The following TTC29 variants were observed in gnomAD, a reference collection of about 807,000 sequenced individuals.
The protein encoded by TTC29 is tetratricopeptide repeat domain 29.
In TTC29, 49 loss-of-function variants were observed where a neutral mutation model predicts 58.1. The observed-to-expected ratio is 0.84, with a 90% CI of 0.67 to 1.07. The LOEUF is 1.07. TTC29 is among the 50% of genes least tolerant of loss of function. The pLI is 0.00. For synonymous variants in TTC29, 209 were observed against 196.8 expected, an observed-to-expected ratio of 1.06 and a Z score of -0.52; for missense variants, 582 against 555.6, an observed-to-expected ratio of 1.05 and a Z score of -0.48.
intron 4 of TTC29, among the ~76,000 whole-genome samples, chr4:146,914,628 C>T (rs1734100879): frequency 6.6e-6 from 1 of 152,042 alleles, no homozygotes; most frequent in Non-Finnish European, 1.5e-5. Flanking sequence ...TGAATGTATC[C>T]TGAGGAAGAT....
chr4:146,895,363 G>T (rs1327331980), intron 6 of TTC29, among the ~76,000 whole-genome samples: 2 of 152,104 alleles, frequency 1.3e-5, no homozygotes, highest in Non-Finnish European at 2.9e-5. Flanking sequence ...TGAGTCTTTG[G>T]TCCAGAAGGA....
intron 8 of TTC29, among the ~76,000 whole-genome samples, chr4:146,863,058 C>T (rs1252374580): frequency 1.3e-5 from 2 of 150,120 alleles, no homozygotes; most frequent in Non-Finnish European, 3.0e-5. Flanking sequence ...GGAGGTGGAG[C>T]TTGCAGGGAA....
intron 11 of TTC29, among the ~76,000 whole-genome samples, chr4:146,800,797 G>C (rs1184192550): frequency 6.6e-6 from 1 of 152,160 alleles, no homozygotes; most frequent in Admixed American, 6.5e-5. Context: ...TTCTTTTGTA[G>C]GGAATACCAA....
At chr4:146,804,926 T>C (rs974833431) in intron 10 of TTC29, among the ~76,000 whole-genome samples, 1 of 152,200 alleles carries the variant, frequency 6.6e-6, no homozygotes, top group Non-Finnish European at 1.5e-5. Flanking sequence ...CTGACCCCCA[T>C]GCCTCCTGAC....
intron 8 of TTC29, among the ~76,000 whole-genome samples, chr4:146,860,043 AAAG>A (rs1472987505): frequency 6.6e-6 from 1 of 152,184 alleles, no homozygotes; most frequent in African/African-American, 2.4e-5. Flanking sequence ...TAAAGTGACC[AAAG>A]AAGAGATTAG....
At chr4:146,711,521 C>T (rs567200100) in intron 11 of TTC29, among the ~76,000 whole-genome samples, 36 of 152,254 alleles carry the variant, frequency 2.4e-4, no homozygotes, top group African/African-American at 8.7e-4. Flanking sequence ...ACTGTGCTTT[C>T]TGTTGACCTT....
intron 11 of TTC29, among the ~76,000 whole-genome samples, chr4:146,761,632 A>G (rs899313598): frequency 2.7e-5 from 4 of 150,216 alleles, no homozygotes; most frequent in Non-Finnish European, 5.9e-5. Flanking sequence ...TGGAGGTTGC[A>G]GGAGATTTTA....
chr4:146,930,471 GA>G (rs747628540), intron 4 of TTC29, among the ~76,000 whole-genome samples: 2 of 152,078 alleles, frequency 1.3e-5, no homozygotes, highest in Admixed American at 6.6e-5. Context: ...GAGTTCTTGT[GA>G]ATCCATAACT....
At chr4:146,825,260 A>T (rs1446727368) in intron 9 of TTC29, among the ~76,000 whole-genome samples, 1 of 152,004 alleles carries the variant, frequency 6.6e-6, no homozygotes, top group Admixed American at 6.6e-5. Flanking sequence ...TTGCCCTTTT[A>T]ACACTGCTTT....
intron 11 of TTC29, among the ~76,000 whole-genome samples, chr4:146,720,166 G>T (rs1743253285): frequency 6.6e-6 from 1 of 152,090 alleles, no homozygotes; most frequent in Non-Finnish European, 1.5e-5. Context: ...AACATGTGTA[G>T]AAGAAATCAA....
At chr4:146,836,335 G>A (rs1360468717) in intron 8 of TTC29, among the ~76,000 whole-genome samples, 1 of 152,082 alleles carries the variant, frequency 6.6e-6, no homozygotes, top group Non-Finnish European at 1.5e-5. Flanking sequence ...TAGGCAGTAG[G>A]ACGAGTATAG....
chr4:146,712,644 ATCAG>A (rs997901721), intron 11 of TTC29, among the ~76,000 whole-genome samples: 169 of 152,162 alleles, frequency 1.1e-3, no homozygotes, highest in African/African-American at 3.8e-3. Context: ...ATGAGTGGGT[ATCAG>A]TCAGGAAGAA....
At chr4:146,767,106 G>T (rs779936496) in intron 11 of TTC29, among the ~76,000 whole-genome samples, 4 of 151,994 alleles carry the variant, frequency 2.6e-5, no homozygotes, top group Non-Finnish European at 5.9e-5. Context: ...TTTGACATGA[G>T]AAAAGAATGT....
In TTC29 at chr4:146,747,267, G is replaced by A. The variant is rs141746461; in HGVS notation, c.1331-39716C>T. ...CCCCCACCTGGGTCACACTGCTACT[G>A]CTCTGTACCATCTTGATACTGGAGC... On this transcript the variant is annotated intron_variant, in intron 11 of 12. Transcript: ENST00000325106. 3.2e-3 allele frequency among the ~76,000 whole-genome samples: 482 copies of A among 152,228 alleles called. 5 individuals are homozygous for A. The highest frequency in any genetic ancestry group is 0.011 in the African/African-American group (465 of 41,516).
rs567541812 is a variant in TTC29, at chr4:146,850,979, C to T, written c.885+16519G>A. ...AATAAACATACCACTTTTTACTATT[C>T]CATTGGAATTTTCATCAATATGCTG... On this transcript the variant is annotated intron_variant, in intron 8 of 12. Coordinates refer to ENST00000325106, the MANE Select transcript of TTC29 (RefSeq NM_031956.4). Among the ~76,000 whole-genome samples the T allele has an allele frequency of 3.3e-5, 5 of 152,208 alleles. No individual in the cohort carries two copies. In the South Asian group the frequency reaches 6.2e-4, roughly 19 times the overall value.
chr4:146,822,330 T>C (rs1344784627), intron 9 of TTC29, among the ~76,000 whole-genome samples: 2 of 152,124 alleles, frequency 1.3e-5, no homozygotes, highest in African/African-American at 2.4e-5. Flanking sequence ...AGTGAGAACA[T>C]GTGGTGTTTG....
chr4:146,927,053 C>T (rs1186712151), intron 4 of TTC29, among the ~76,000 whole-genome samples: 2 of 139,576 alleles, frequency 1.4e-5, no homozygotes, highest in Non-Finnish European at 3.0e-5. Flanking sequence ...TGCACTCCAG[C>T]CTGGGCAACA....
At chr4:146,773,875 G>C (rs1227414836) in intron 11 of TTC29, among the ~76,000 whole-genome samples, 2 of 151,402 alleles carry the variant, frequency 1.3e-5, no homozygotes, top group East Asian at 3.9e-4. Context: ...TCTGGTCCTG[G>C]GTTTCTTCTT....
chr4:146,778,397 GA>G (rs1054172313), intron 11 of TTC29, among the ~76,000 whole-genome samples: 16 of 150,920 alleles, frequency 1.1e-4, no homozygotes, highest in East Asian at 3.9e-4. Context: ...TGCTTTTTTT[GA>G]AAAAAAATTT....
Sources: allele counts gnomAD v4.1 joint callset (sites outside exome capture counted in the v4.1 genomes callset), GRCh38; gene constraint gnomAD v4.1.1; transcripts MANE v1.5; gene names NCBI Gene and HGNC (gene_info 2026-07-23, HGNC 2026-07-21).